ITGA9: variants seen among roughly 807,000 people sequenced by gnomAD.
ITGA9 encodes integrin subunit alpha 9.
In ITGA9, 56 loss-of-function variants were observed where a neutral mutation model predicts 127.8. That is an observed-to-expected ratio of 0.44 (90% confidence interval 0.35 to 0.55). The LOEUF is 0.55. Ranked by LOEUF, ITGA9 falls within the 20% of genes least tolerant of loss-of-function variation. ITGA9 has a pLI of 0.00. For missense variants in ITGA9, 1,196 were observed against 1,347.1 expected (o/e 0.89, Z 1.76); for synonymous variants, 508 against 514.5 (o/e 0.99, Z 0.17).
chr3:37,758,315 G>A (rs969678311), intron 23 of ITGA9, among the ~76,000 whole-genome samples: 1 of 89,720 alleles, frequency 1.1e-5, no homozygotes, highest in African/African-American at 5.2e-5. Context: ...GGGCGACAGA[G>A]CGAGACTCCG....
At chr3:37,519,790 G>C (rs1449043586) in intron 11 of ITGA9, among the ~76,000 whole-genome samples, 1 of 152,254 alleles carries the variant, frequency 6.6e-6, no homozygotes, top group African/African-American at 2.4e-5. Context: ...AAAACCAGGA[G>C]CCAGTTAGGA....
At chr3:37,523,372 A>G in intron 11 of ITGA9, 149 bp from the exon 12 acceptor site, 1 of 674,024 alleles carries the variant, frequency 1.5e-6, no homozygotes, top group South Asian at 1.7e-5. Context: ...CCTGCTAAAG[A>G]CTTGCTGATC....
intron 15 of ITGA9, among the ~76,000 whole-genome samples, chr3:37,588,504 A>T (rs1699782098): frequency 6.6e-6 from 1 of 152,214 alleles, no homozygotes; most frequent in African/African-American, 2.4e-5. Flanking sequence ...CCTGGAGTAG[A>T]GCCCAACATG....
intron 15 of ITGA9, among the ~76,000 whole-genome samples, chr3:37,544,635 C>T (rs1047408431): frequency 2.0e-5 from 3 of 152,062 alleles, no homozygotes; most frequent in Non-Finnish European, 2.9e-5. Context: ...TCAGGGCTCT[C>T]GAGTGCAGAT....
intron 13 of ITGA9, among the ~76,000 whole-genome samples, chr3:37,527,763 A>G (rs1302098417): frequency 7.0e-6 from 1 of 142,298 alleles, no homozygotes; most frequent in Non-Finnish European, 1.5e-5. Context: ...CAACTTTTAC[A>G]GTTGAAAACA....
intron 15 of ITGA9, among the ~76,000 whole-genome samples, chr3:37,623,811 C>G (rs776338471): frequency 6.6e-6 from 1 of 152,000 alleles, no homozygotes; most frequent in Non-Finnish European, 1.5e-5. Context: ...AAAGAGTCTT[C>G]AAGCTGATGA....
At chr3:37,474,180 A>C (rs2125554902) in intron 3 of ITGA9, among the ~76,000 whole-genome samples, 1 of 151,800 alleles carries the variant, frequency 6.6e-6, no homozygotes, top group South Asian at 2.1e-4. Context: ...AGGGAGATAG[A>C]AAGAAAAGTC....
intron 5 of ITGA9, among the ~76,000 whole-genome samples, chr3:37,494,859 T>C (rs1301077294): frequency 6.6e-6 from 1 of 152,140 alleles, no homozygotes; most frequent in Non-Finnish European, 1.5e-5. Flanking sequence ...AGGAGTCGAT[T>C]TGGGGATGTG....
rs71635850 is a variant in ITGA9 at position 37,789,768 on chromosome 3, CAAAAAAAAAA to C, written c.2889+4707_2889+4716del. ...TGGGTGACAGAGTGAGACTCCGTCT[CAAAAAAAAAA>C]AAAAAAAAAAAAAAAAGACTATGCT... On this transcript the variant is annotated intron_variant, in intron 26 of 27. Transcript: ENST00000264741. Among the ~76,000 whole-genome samples, 7 of 35,690 alleles carry C rather than the reference CAAAAAAAAAA, an allele frequency of 2.0e-4. No individual in the cohort carries two copies. The East Asian group carries it at 3.4e-3, about 17-fold the overall frequency. 23.4% of individuals were successfully genotyped at this position (35,690 alleles called of 152,430 possible).
chr3:37,775,372 C>T (rs1288621405), intron 23 of ITGA9, among the ~76,000 whole-genome samples: 1 of 152,074 alleles, frequency 6.6e-6, no homozygotes, highest in African/African-American at 2.4e-5. Flanking sequence ...TGGCCTGGTG[C>T]GGTGGCTCAT....
intron 1 of ITGA9, among the ~76,000 whole-genome samples, chr3:37,463,549 G>A (rs920168990): frequency 3.3e-5 from 5 of 152,202 alleles, no homozygotes; most frequent in Non-Finnish European, 5.9e-5. Context: ...AACAATCAGA[G>A]GCTTGCATGA....
At chr3:37,656,431 G>A (rs1473265233) in intron 17 of ITGA9, among the ~76,000 whole-genome samples, 1 of 152,090 alleles carries the variant, frequency 6.6e-6, no homozygotes, top group Non-Finnish European at 1.5e-5. Flanking sequence ...TGGATTCCTA[G>A]GTATTTTATT....
intron 26 of ITGA9, among the ~76,000 whole-genome samples, chr3:37,801,186 GAGAAA>G (rs1435704123): frequency 6.6e-6 from 1 of 151,756 alleles, no homozygotes; most frequent in Admixed American, 6.6e-5. Context: ...GAAAAGAAAA[GAGAAA>G]AGAAATGAAA....
At chr3:37,704,805 GTTC>G (rs1368018524) in intron 18 of ITGA9, among the ~76,000 whole-genome samples, 4 of 152,226 alleles carry the variant, frequency 2.6e-5, no homozygotes, top group South Asian at 2.1e-4. Flanking sequence ...CCTGCGACAT[GTTC>G]TAGTTTCCTA....
At chr3:37,539,608 C>T (rs1018480853) in intron 14 of ITGA9, among the ~76,000 whole-genome samples, 4 of 152,140 alleles carry the variant, frequency 2.6e-5, no homozygotes, top group African/African-American at 9.7e-5. Flanking sequence ...ATGAGGCTTG[C>T]CCACATTTTG....
chr3:37,736,784 A>G lies in ITGA9; in HGVS notation c.2155-120A>G, dbSNP rs528888232. 4 of 749,732 alleles carry G rather than the reference A, an allele frequency of 5.3e-6. No individual in the cohort carries two copies. The South Asian group carries it at 5.9e-5, about 11-fold the overall frequency. 46.4% of individuals were successfully genotyped at this position (749,732 alleles called of 1,614,324 possible). A position where few individuals can be genotyped will look rare whatever the true frequency, so the allele number is the denominator to read the frequency against. ...TGGCCTGACAGTCAGAAAGCTATAC[A>G]TAAAACTAAAGCTTATCATGCAAAT... On this transcript the variant is annotated intron_variant, in intron 19 of 27. Coordinates refer to ENST00000264741, the MANE Select transcript of ITGA9 (RefSeq NM_002207.3).
At chr3:37,704,843 T>C (rs1700986864) in intron 18 of ITGA9, among the ~76,000 whole-genome samples, 1 of 152,238 alleles carries the variant, frequency 6.6e-6, no homozygotes, top group African/African-American at 2.4e-5. Context: ...ATGTGGGCAA[T>C]GCTGGGTTGT....
chr3:37,642,361 C>T (rs1179860937), intron 16 of ITGA9, among the ~76,000 whole-genome samples: 2 of 152,212 alleles, frequency 1.3e-5, no homozygotes, highest in East Asian at 3.8e-4. Context: ...TCTATTTTAT[C>T]TTATTTGCTA....
chr3:37,622,203 T>TCAG lies in ITGA9; in HGVS notation c.1690-6982_1690-6980dup, dbSNP rs569916478. ...CCCAGGTTCACACCATTCTCCTGCCTCAGCCTCCCAAGCAGCTGGGACTAC... is the reference window on the plus strand; with the variant it reads ...CCCAGGTTCACACCATTCTCCTGCCTCAGCAGCCTCCCAAGCAGCTGGGACTAC... On this transcript the variant is annotated intron_variant, in intron 15 of 27. Coordinates refer to ENST00000264741, the MANE Select transcript of ITGA9 (RefSeq NM_002207.3). 2.2e-3 allele frequency among the ~76,000 whole-genome samples: 323 copies of TCAG among 149,034 alleles called. 1 individual carries two copies. Among genetic ancestry groups the TCAG allele is most frequent in the African/African-American group, 7.7e-3 (309 of 40,390 alleles).
Sources: allele counts gnomAD v4.1 joint callset (sites outside exome capture counted in the v4.1 genomes callset), GRCh38; gene constraint gnomAD v4.1.1; transcripts MANE v1.5; gene names NCBI Gene and HGNC (gene_info 2026-07-23, HGNC 2026-07-21).